Variants in SYTL3 observed in about 807,000 individuals in gnomAD.
The protein encoded by SYTL3 is synaptotagmin-like protein 3.
Under a neutral mutation model 82.1 loss-of-function variants are expected in SYTL3, and 88 were observed. The ratio of observed to expected loss-of-function variants is 1.07; its 90% CI spans 0.90 to 1.28. The LOEUF is 1.28. SYTL3 is among the 50% of genes most tolerant of loss of function. The probability of loss-of-function intolerance (pLI) is 0.00; values close to 1 mark genes in which losing one functional copy is unlikely to be tolerated. For missense variants in SYTL3, 831 were observed against 757.6 expected (o/e 1.10, Z -1.14); for synonymous variants, 311 against 289.4 (o/e 1.07, Z -0.76).
intron 10 of SYTL3, among the ~76,000 whole-genome samples, chr6:158,722,762 G>GTTTTTTTTTTTTTTTTTTT (rs34189391): frequency 2.5e-5 from 2 of 80,896 alleles, no homozygotes; most frequent in African/African-American, 5.4e-5. Context: ...TCTCTTTTCT[G>GTTTTTTTTTTTTTTTTTTT]TTTTTTTTTT....
chr6:158,708,057 C>T (rs1249859120), intron 7 of SYTL3, among the ~76,000 whole-genome samples: 2 of 152,168 alleles, frequency 1.3e-5, no homozygotes, highest in African/African-American at 4.8e-5. Context: ...CCGGAGCACC[C>T]AGGCTGTTTC....
chr6:158,691,349 GA>G (rs111779178), intron 6 of SYTL3, among the ~76,000 whole-genome samples: 8,580 of 139,048 alleles, frequency 0.062, 432 homozygotes, highest in African/African-American at 0.14. Context: ...CATCTCAAAA[GA>G]AAAAAAAAAA....
At chr6:158,698,377 A>T (rs1472615244) in intron 6 of SYTL3, among the ~76,000 whole-genome samples, 3 of 142,960 alleles carry the variant, frequency 2.1e-5, no homozygotes, top group Non-Finnish European at 4.5e-5. Context: ...AGCCTGGGTG[A>T]CAGAGTGAGA....
chr6:158,659,262 G>A (rs1789072392), intron 2 of SYTL3, among the ~76,000 whole-genome samples: 1 of 152,198 alleles, frequency 6.6e-6, no homozygotes, highest in Non-Finnish European at 1.5e-5. Flanking sequence ...GCTTTAATTT[G>A]AGGTCAATAT....
At position 158,663,017 on chromosome 6, in the gene SYTL3, G is replaced by C. The variant is rs987246044; in HGVS notation, c.-252G>C. The stretch of plus-strand genomic sequence containing the variant: ...GCAGAACCCGGTGAAAACACCCCCC[G>C]GGTAGCACGAGGCTCTGCGAGCCGT... On this transcript the variant is annotated 5_prime_UTR_variant, in exon 4 of 18. Transcript: ENST00000611299. The C allele has an allele frequency of 5.4e-6, 2 of 371,908 alleles. No homozygotes were observed. The highest frequency in any genetic ancestry group is 5.1e-5 in the South Asian group (1 of 19,550). 23.0% of individuals were successfully genotyped at this position (371,908 alleles called of 1,614,324 possible). A position where few individuals can be genotyped will look rare whatever the true frequency, so the allele number is the denominator to read the frequency against.
intron 10 of SYTL3, among the ~76,000 whole-genome samples, chr6:158,721,605 G>A (rs891842316): frequency 2.3e-4 from 35 of 151,956 alleles, no homozygotes; most frequent in African/African-American, 8.5e-4. Flanking sequence ...CTATTGGGTT[G>A]AAATATAAGG....
At chr6:158,764,390 G>T in intron 17 of SYTL3, 105 bp from the exon 18 acceptor site, 3 of 791,390 alleles carry the variant, frequency 3.8e-6, no homozygotes, top group Non-Finnish European at 6.3e-6. Flanking sequence ...TTTTAATGTG[G>T]ACTTGAGGTG....
intron 13 of SYTL3, among the ~76,000 whole-genome samples, chr6:158,755,924 G>A (rs1329948539): frequency 6.6e-6 from 1 of 152,244 alleles, no homozygotes; most frequent in African/African-American, 2.4e-5. Flanking sequence ...GACCAAGGGA[G>A]GGAGGGTCAC....
At chr6:158,664,809 A>G (rs928737703) in intron 4 of SYTL3, among the ~76,000 whole-genome samples, 3 of 152,212 alleles carry the variant, frequency 2.0e-5, no homozygotes, top group Non-Finnish European at 4.4e-5. Context: ...ACAGACATTC[A>G]TAAAAGAGCG....
chr6:158,662,267 G>A (rs968157427), intron 3 of SYTL3, among the ~76,000 whole-genome samples: 6 of 152,200 alleles, frequency 3.9e-5, no homozygotes, highest in Admixed American at 1.3e-4. Flanking sequence ...TGGATAAAAG[G>A]ATGTATGCAG....
chr6:158,685,044 T>C (rs866333812), intron 6 of SYTL3, among the ~76,000 whole-genome samples: 1 of 152,148 alleles, frequency 6.6e-6, no homozygotes, highest in African/African-American at 2.4e-5. Flanking sequence ...CATATATCTA[T>C]GTACTGAGGC....
chr6:158,705,609 A>C (rs951663096), intron 6 of SYTL3, among the ~76,000 whole-genome samples: 4 of 70,530 alleles, frequency 5.7e-5, no homozygotes, highest in Non-Finnish European at 1.1e-4. Context: ...CTGGAAAGTC[A>C]CATAGAGCAG....
intron 13 of SYTL3, among the ~76,000 whole-genome samples, chr6:158,752,713 C>T (rs1018883159): frequency 1.3e-5 from 2 of 152,196 alleles, no homozygotes; most frequent in African/African-American, 4.8e-5. Flanking sequence ...GCAGAGGCTA[C>T]CCTGCCGGGG....
At chr6:158,675,846 A>T (rs941608897) in intron 5 of SYTL3, among the ~76,000 whole-genome samples, 3 of 152,134 alleles carry the variant, frequency 2.0e-5, no homozygotes, top group African/African-American at 7.2e-5. Context: ...GCTGCTCAGG[A>T]GGCTGAGGCA....
At chr6:158,756,185 G>A (rs113401994) in intron 13 of SYTL3, among the ~76,000 whole-genome samples, 2,289 of 152,312 alleles carry the variant, frequency 0.015, 47 homozygotes, top group African/African-American at 0.051. Flanking sequence ...AGGGGCCTTC[G>A]GCCTCTAGTC....
At position 158,746,821 on chromosome 6, in the gene SYTL3, T is replaced by TA. The variant is rs1169083377; in HGVS notation, c.1034+1163_1034+1164insA. On this transcript the variant is annotated intron_variant, in intron 12 of 17. Coordinates refer to ENST00000611299, the MANE Select transcript of SYTL3 (RefSeq NM_001242394.2). Reference sequence around the variant, plus strand: ...TACTAACAAAGATGAGCAACTTGTTTTAAAAAAAAAAAAATAGAGACAGGG... The same window carrying TA: ...TACTAACAAAGATGAGCAACTTGTTTATAAAAAAAAAAAAATAGAGACAGGG... 2.2e-3 allele frequency among the ~76,000 whole-genome samples: 230 copies of TA among 105,088 alleles called. 2 individuals carry two copies. The highest frequency in any genetic ancestry group is 4.0e-4 in the Non-Finnish European group (19 of 47,354). The allele number at this position is 105,088 out of a possible 152,430, so 68.9% of individuals were successfully genotyped here.
intron 15 of SYTL3, among the ~76,000 whole-genome samples, chr6:158,761,301 C>CT (rs11463987): frequency 0.018 from 1,690 of 93,856 alleles, 68 homozygotes; most frequent in African/African-American, 0.065. Flanking sequence ...ATGCACATTT[C>CT]TTTTTTTTTT....
chr6:158,679,117 C>G (rs1179033392), intron 5 of SYTL3, among the ~76,000 whole-genome samples: 1 of 152,124 alleles, frequency 6.6e-6, no homozygotes, highest in African/African-American at 2.4e-5. Context: ...CACCTGTAAT[C>G]CCAGCACTTT....
intron 6 of SYTL3, among the ~76,000 whole-genome samples, chr6:158,705,116 GA>G (rs36218337): frequency 1.9e-3 from 142 of 75,234 alleles, no homozygotes; most frequent in Non-Finnish European, 2.2e-3. Flanking sequence ...GGGACCTGGG[GA>G]CAGGGTGACA....
Sources: allele counts gnomAD v4.1 joint callset (sites outside exome capture counted in the v4.1 genomes callset), GRCh38; gene constraint gnomAD v4.1.1; transcripts MANE v1.5; gene names NCBI Gene and HGNC (gene_info 2026-07-23, HGNC 2026-07-21).